The following SCARB2 variants were observed in gnomAD, a reference collection of about 807,000 sequenced individuals.
SCARB2 encodes lysosome membrane protein 2.
Under a neutral mutation model 58.6 loss-of-function variants are expected in SCARB2, and 29 were observed. The ratio of observed to expected loss-of-function variants is 0.49; its 90% confidence interval spans 0.37 to 0.67. SCARB2 has a LOEUF of 0.67. Among genes scored for constraint, SCARB2 ranks in the 30% least tolerant of loss-of-function variants. SCARB2 has a pLI of 0.00. For missense variants in SCARB2, 488 were observed against 578.5 expected, an observed-to-expected ratio of 0.84 and a Z score of 1.60; for synonymous variants, 195 against 210.1, an observed-to-expected ratio of 0.93 and a Z score of 0.62.
intron 1 of SCARB2, among the ~76,000 whole-genome samples, chr4:76,208,753 C>T (rs1732980620): frequency 1.3e-5 from 2 of 152,166 alleles, no homozygotes; most frequent in African/African-American, 4.8e-5. Context: ...AAAAAGAATC[C>T]TCTCTTGCCA....
intron 4 of SCARB2, 117 bp downstream of exon 4, chr4:76,179,400 T>G: frequency 1.2e-6 from 1 of 802,958 alleles, no homozygotes; most frequent in Non-Finnish European, 2.1e-6. Context: ...TCACACACTC[T>G]ATAAGATAAC....
intron 1 of SCARB2, among the ~76,000 whole-genome samples, chr4:76,200,863 T>C (rs1056826590): frequency 1.3e-5 from 2 of 152,228 alleles, no homozygotes; most frequent in Non-Finnish European, 2.9e-5. Context: ...CATTTCATCA[T>C]TGGCTTGGAC....
intron 7 of SCARB2, 182 bp downstream of exon 7, chr4:76,173,962 T>A: frequency 1.5e-6 from 1 of 688,292 alleles, no homozygotes; most frequent in East Asian, 2.5e-5. Flanking sequence ...GAGACAGTGG[T>A]CTCGCCATGT....
At chr4:76,173,734 G>C in intron 7 of SCARB2, 1 of 259,068 alleles carries the variant, frequency 3.9e-6, no homozygotes, top group East Asian at 1.0e-4. Context: ...GCATACATCA[G>C]GTGCTTAGTA....
chr4:76,189,092 C>A (rs887646019), intron 2 of SCARB2, among the ~76,000 whole-genome samples: 57 of 152,162 alleles, frequency 3.7e-4, no homozygotes, highest in Non-Finnish European at 8.8e-5. Flanking sequence ...TGAATTTAAA[C>A]CACAGTTGAA....
chr4:76,212,804 C>A (rs566588077), intron 1 of SCARB2, among the ~76,000 whole-genome samples: 2 of 152,242 alleles, frequency 1.3e-5, no homozygotes, highest in African/African-American at 4.8e-5. Flanking sequence ...AAAATTATGG[C>A]CGTTTGAGAA....
upstream of SCARB2, chr4:76,213,980 C>G (rs1733143086): frequency 5.5e-6 from 1 of 182,550 alleles, no homozygotes; most frequent in East Asian, 1.9e-4. Context: ...CCTCCCCGGC[C>G]GGTCCCCGGT....
chr4:76,201,410 T>C (rs867062484), intron 1 of SCARB2, among the ~76,000 whole-genome samples: 33 of 152,170 alleles, frequency 2.2e-4, no homozygotes, highest in African/African-American at 8.0e-4. Context: ...CCCCAGCACA[T>C]AACATGGTTT....
chr4:76,205,099 G>C (rs1204264868), intron 1 of SCARB2, among the ~76,000 whole-genome samples: 1 of 152,176 alleles, frequency 6.6e-6, no homozygotes, highest in Admixed American at 6.5e-5. Flanking sequence ...GCAAAGGTGG[G>C]AGGATTGCTT....
intron 9 of SCARB2, among the ~76,000 whole-genome samples, chr4:76,167,148 A>G: frequency 6.6e-6 from 1 of 152,248 alleles, no homozygotes; most frequent in East Asian, 1.9e-4. Flanking sequence ...AGCATGGGGA[A>G]GTAAGGCTAG....
intron 1 of SCARB2, among the ~76,000 whole-genome samples, chr4:76,220,643 T>A (rs1226614569): frequency 6.6e-6 from 1 of 152,208 alleles, no homozygotes; most frequent in East Asian, 1.9e-4. Flanking sequence ...AATGAAGTCC[T>A]GATACATGCT....
intron 2 of SCARB2, among the ~76,000 whole-genome samples, chr4:76,185,942 A>G (rs1355385641): frequency 1.3e-5 from 2 of 152,204 alleles, no homozygotes; most frequent in African/African-American, 4.8e-5. Context: ...TTGTTGTGAG[A>G]ATGAAATCCA....
upstream of SCARB2, chr4:76,214,181 C>T (rs1369865542): frequency 6.6e-5 from 30 of 453,222 alleles, no homozygotes; most frequent in South Asian, 1.4e-4. Flanking sequence ...GGGACATTCC[C>T]CTGCTCTAGA....
upstream of SCARB2, chr4:76,217,673 C>T (rs1489124871): frequency 6.2e-6 from 4 of 647,646 alleles, no homozygotes; most frequent in South Asian, 7.1e-5. Context: ...AACCTCTTTT[C>T]ACTACCCAAT....
intron 1 of SCARB2, among the ~76,000 whole-genome samples, chr4:76,226,484 G>A (rs1353976615): frequency 6.6e-6 from 1 of 152,208 alleles, no homozygotes; most frequent in African/African-American, 2.4e-5. Flanking sequence ...TATGCCCTGA[G>A]CCCTGGATTC....
At chr4:76,187,060 A>C (rs1732501557) in intron 2 of SCARB2, among the ~76,000 whole-genome samples, 1 of 152,344 alleles carries the variant, frequency 6.6e-6, no homozygotes, top group Admixed American at 6.5e-5. Flanking sequence ...TAAAGGGTTA[A>C]TAGGACAGAA....
At chr4:76,179,349 C>A (rs1198296738) in intron 4 of SCARB2, 168 bp downstream of exon 4, 2 of 623,458 alleles carry the variant, frequency 3.2e-6, no homozygotes, top group African/African-American at 3.7e-5. Context: ...CCACCGCACC[C>A]GGCCTCAAGT....
rs1165939488 is a variant in SCARB2, at chr4:76,174,208, G to A, written c.930C>T (p.Gly310=). 1 of 1,614,154 alleles carries A rather than the reference G, an allele frequency of 6.2e-7. No homozygotes were observed. The highest frequency in any genetic ancestry group is 8.5e-7 in the Non-Finnish European group (1 of 1,180,028). Residue 310 remains glycine, a synonymous_variant, in exon 7 of 12, where the codon GGC becomes GGT. Coordinates refer to ENST00000264896, the MANE Select transcript of SCARB2 (RefSeq NM_005506.4). ...GGCAGTTTCCCTCAGGTATACAGAA[G>A]CCGGCATTGTCTGACGTATTGGCTA... ...EILANTSDNA[G]FCIPEGNCLG...
intron 8 of SCARB2, among the ~76,000 whole-genome samples, chr4:76,169,341 C>A (rs78857336): frequency 6.6e-6 from 1 of 151,126 alleles, no homozygotes; most frequent in Non-Finnish European, 1.5e-5. Context: ...CACACACACA[C>A]GTGTGTATGT....
Sources: gnomAD v4.1 joint callset for allele counts (sites outside exome capture counted in the v4.1 genomes callset) on GRCh38, gnomAD v4.1.1 for gene constraint, MANE v1.5 for transcripts, NCBI Gene and HGNC (gene_info 2026-07-23, HGNC 2026-07-21) for gene names.